The following DHRS7B variants were observed in gnomAD, a reference collection of about 807,000 sequenced individuals.
The protein encoded by DHRS7B is peroxisomal reductase activating PPAR-gamma.
In DHRS7B, 24 loss-of-function variants were observed where a neutral mutation model predicts 26.4. The ratio of observed to expected loss-of-function variants is 0.91; its 90% CI spans 0.66 to 1.28. The LOEUF (loss-of-function observed/expected upper bound fraction) is 1.28, where lower values mean the gene tolerates loss of function less well. Ranked by LOEUF, DHRS7B falls within the 50% of genes most tolerant of loss-of-function variation. The pLI is 0.00. For missense variants in DHRS7B, 368 were observed against 419.4 expected, an observed-to-expected ratio of 0.88 and a Z score of 1.07; for synonymous variants, 142 against 166.4, an observed-to-expected ratio of 0.85 and a Z score of 1.13.
chr17:21,163,300 A>T (rs182194909), intron 1 of DHRS7B, among the ~76,000 whole-genome samples: 96 of 152,232 alleles, frequency 6.3e-4, no homozygotes, highest in Non-Finnish European at 8.5e-4. Flanking sequence ...CTAGGGGGAC[A>T]TTTACTTCTG....
At chr17:21,153,356 G>C (rs921390145) in intron 1 of DHRS7B, among the ~76,000 whole-genome samples, 1 of 151,806 alleles carries the variant, frequency 6.6e-6, no homozygotes, top group African/African-American at 2.4e-5. Flanking sequence ...AAAGCAAAGA[G>C]AAAAAAGACT....
rs1974562166 is a variant in DHRS7B at position 21,183,630 on chromosome 17, C to T, written c.346C>T (p.Leu116Phe). 1 of 1,613,678 alleles carries T rather than the reference C, an allele frequency of 6.2e-7. No homozygotes were observed. Among genetic ancestry groups the T allele is most frequent in the Non-Finnish European group, 8.5e-7 (1 of 1,180,050 alleles). The change falls in exon 4 of 7, where the codon CTC becomes TTC. Residue 116 changes from leucine to phenylalanine, a missense_variant. By Grantham distance (22) the Leu-to-Phe change is conservative. Transcript: ENST00000395511. ...THKPYLVTFD[L>F]TDSGAIVAAA... ...CAAGCCTTACTTGGTGACCTTCGACCTCACAGACTCTGGGGCCATAGTTGC... is the reference window on the plus strand; with the variant it reads ...CAAGCCTTACTTGGTGACCTTCGACTTCACAGACTCTGGGGCCATAGTTGC...
chr17:21,129,208 A>G (rs1973172928), intron 1 of DHRS7B, among the ~76,000 whole-genome samples: 1 of 152,188 alleles, frequency 6.6e-6, no homozygotes, highest in South Asian at 2.1e-4. Flanking sequence ...AGGACAGTAG[A>G]GGGTGCTGTG....
intron 1 of DHRS7B, among the ~76,000 whole-genome samples, chr17:21,132,006 A>G (rs1032539136): frequency 6.6e-6 from 1 of 152,192 alleles, no homozygotes; most frequent in African/African-American, 2.4e-5. Context: ...TTTATGTTCA[A>G]TTGTTGCTTA....
intron 1 of DHRS7B, 42 bp downstream of exon 1, chr17:21,127,033 G>A (rs1887485979): frequency 6.7e-7 from 1 of 1,500,532 alleles, no homozygotes; most frequent in Non-Finnish European, 8.9e-7. Flanking sequence ...TGAGGCGATA[G>A]GGTCTGGCCT....
chr17:21,157,685 C>T (rs901901503), intron 1 of DHRS7B, among the ~76,000 whole-genome samples: 3 of 152,080 alleles, frequency 2.0e-5, no homozygotes, highest in African/African-American at 7.2e-5. Context: ...GAAAGTGAGA[C>T]CCTGTCTCAA....
At chr17:21,164,930 G>C (rs1974078467) in intron 1 of DHRS7B, among the ~76,000 whole-genome samples, 1 of 152,174 alleles carries the variant, frequency 6.6e-6, no homozygotes, top group South Asian at 2.1e-4. Flanking sequence ...AACATGACGA[G>C]CCCTTAAAGC....
At chr17:21,172,564 T>A (rs1212728019) in intron 2 of DHRS7B, 1 of 325,348 alleles carries the variant, frequency 3.1e-6, no homozygotes, top group Non-Finnish European at 5.9e-6. Flanking sequence ...GACAGCTAAC[T>A]TAAAACGTGT....
chr17:21,167,275 C>T (rs2144090147), intron 1 of DHRS7B, among the ~76,000 whole-genome samples: 1 of 152,288 alleles, frequency 6.6e-6, no homozygotes, highest in East Asian at 1.9e-4. Flanking sequence ...AGCAGAATCA[C>T]AGAGAGAAGC....
intron 5 of DHRS7B, 42 bp from the exon 6 acceptor site, chr17:21,188,669 C>T (rs113030470): frequency 0.013 from 20,047 of 1,538,768 alleles, 166 homozygotes; most frequent in Non-Finnish European, 0.015. Context: ...CCATGCCCAC[C>T]CCAGCGCACT....
At chr17:21,144,171 C>T (rs1043735733) in intron 1 of DHRS7B, among the ~76,000 whole-genome samples, 2 of 152,178 alleles carry the variant, frequency 1.3e-5, no homozygotes, top group African/African-American at 4.8e-5. Context: ...GGTCTGAGGA[C>T]AGATCATTCC....
chr17:21,156,016 A>C (rs540579343), intron 1 of DHRS7B, among the ~76,000 whole-genome samples: 2 of 152,176 alleles, frequency 1.3e-5, no homozygotes, highest in African/African-American at 2.4e-5. Flanking sequence ...AAGAAGAAAG[A>C]TCTAAAATCA....
In DHRS7B at chr17:21,172,228, G is replaced by A. The variant is rs755319728; in HGVS notation, c.199+32G>A. 3.0e-5 allele frequency: 47 copies of A among 1,586,008 alleles called. 1 individual carries two copies. Among genetic ancestry groups the A allele is most frequent in the Admixed American group, 1.3e-4 (7 of 55,566 alleles). On this transcript the variant is annotated intron_variant, in intron 2 of 6. Transcript: ENST00000395511. ...CCTGGAGGCAGTGCTGCCAGGGGGC[G>A]GGGGTAAGTCAGCCAGGGATGAGGA... is the stretch of plus-strand genomic sequence containing the variant.
chr17:21,132,540 A>C lies in DHRS7B; in HGVS notation c.20+5549A>C, dbSNP rs868543283. 8.2e-4 allele frequency among the ~76,000 whole-genome samples: 119 copies of C among 145,816 alleles called. 1 individual carries two copies. Among genetic ancestry groups the C allele is most frequent in the African/African-American group, 2.6e-3 (100 of 38,582 alleles). On this transcript the variant is annotated intron_variant, in intron 1 of 6. Coordinates refer to ENST00000395511, the MANE Select transcript of DHRS7B (RefSeq NM_015510.5). Reference sequence around the variant, plus strand: ...AGGGAGACCTTGTCTCAAAAAAAAAAAAAAAAAAACAAAAAAAAAACAGGG... The same window carrying C: ...AGGGAGACCTTGTCTCAAAAAAAAACAAAAAAAAACAAAAAAAAAACAGGG...
At chr17:21,131,650 C>T (rs1973232830) in intron 1 of DHRS7B, among the ~76,000 whole-genome samples, 1 of 152,198 alleles carries the variant, frequency 6.6e-6, no homozygotes, top group Admixed American at 6.5e-5. Flanking sequence ...AGGTCTCAGC[C>T]TTATTTTACC....
At chr17:21,170,847 G>A (rs1974224367) in intron 1 of DHRS7B, among the ~76,000 whole-genome samples, 1 of 97,308 alleles carries the variant, frequency 1.0e-5, no homozygotes, top group African/African-American at 4.2e-5. Flanking sequence ...GTCCTCTTAC[G>A]AAAGGAAGCA....
chr17:21,151,771 A>G (rs866294917), intron 1 of DHRS7B, among the ~76,000 whole-genome samples: 1 of 152,164 alleles, frequency 6.6e-6, no homozygotes, highest in Non-Finnish European at 1.5e-5. Context: ...CAAGTCTGAG[A>G]GTGATTTAGT....
chr17:21,143,586 G>A (rs780087576), intron 1 of DHRS7B, among the ~76,000 whole-genome samples: 1 of 152,214 alleles, frequency 6.6e-6, no homozygotes, highest in Non-Finnish European at 1.5e-5. Context: ...AAAAGCACCT[G>A]AAAGGAGCAT....
intron 5 of DHRS7B, among the ~76,000 whole-genome samples, chr17:21,186,711 G>A (rs966219364): frequency 1.3e-5 from 2 of 152,226 alleles, no homozygotes; most frequent in Admixed American, 1.3e-4. Context: ...AGACGCTGGT[G>A]TGTTTCCCAG....
Sources: gnomAD v4.1 joint callset for allele counts (sites outside exome capture counted in the v4.1 genomes callset) on GRCh38, gnomAD v4.1.1 for gene constraint, MANE v1.5 for transcripts, NCBI Gene and HGNC (gene_info 2026-07-23, HGNC 2026-07-21) for gene names.